Variants in THSD7A observed in about 807,000 individuals in gnomAD.
The protein encoded by THSD7A is thrombospondin type-1 domain-containing protein 7A.
A neutral mutation model predicts 231.3 loss-of-function variants in THSD7A; 96 were observed. The observed-to-expected ratio is 0.41, with a 90% confidence interval of 0.35 to 0.49. THSD7A has a LOEUF of 0.49. THSD7A is among the 20% of genes least tolerant of loss of function. The probability of loss-of-function intolerance (pLI) is 0.05; values close to 1 mark genes in which losing one functional copy is unlikely to be tolerated. For missense variants in THSD7A, 2,290 were observed against 2,070.2 expected, an observed-to-expected ratio of 1.11 and a Z score of -2.06; for synonymous variants, 940 against 743.3, an observed-to-expected ratio of 1.26 and a Z score of -4.30.
chr7:11,653,446 A>ATGTG (rs1324087513), intron 1 of THSD7A, among the ~76,000 whole-genome samples: 8 of 93,624 alleles, frequency 8.5e-5, no homozygotes, highest in Admixed American at 1.2e-4. Context: ...CCACTCCCAG[A>ATGTG]TATGTGTGTG....
At chr7:11,577,505 T>C (rs531936235) in intron 4 of THSD7A, among the ~76,000 whole-genome samples, 6 of 151,912 alleles carry the variant, frequency 3.9e-5, no homozygotes, top group Admixed American at 6.6e-5. Context: ...TTAGTAGAGA[T>C]GGATTTTCGC....
chr7:11,562,019 G>C (rs1423294555), intron 4 of THSD7A, among the ~76,000 whole-genome samples: 2 of 152,108 alleles, frequency 1.3e-5, no homozygotes, highest in African/African-American at 4.8e-5. Context: ...CCCAACTCCT[G>C]GAAGTCTAGT....
chr7:11,744,563 G>C (rs1406832236), intron 1 of THSD7A, among the ~76,000 whole-genome samples: 1 of 151,070 alleles, frequency 6.6e-6, no homozygotes, highest in Non-Finnish European at 1.5e-5. Context: ...TTTAACATTA[G>C]GTATATCTCC....
chr7:11,605,408 A>T (rs1275258808), intron 2 of THSD7A, among the ~76,000 whole-genome samples: 1 of 152,078 alleles, frequency 6.6e-6, no homozygotes, highest in Admixed American at 6.6e-5. Context: ...ACTGGAGTGG[A>T]AGTTGTTCCT....
intron 14 of THSD7A, among the ~76,000 whole-genome samples, 192 bp downstream of exon 14, chr7:11,428,755 A>G (rs995348661): frequency 7.9e-5 from 12 of 152,208 alleles, no homozygotes; most frequent in Non-Finnish European, 1.6e-4. Flanking sequence ...CAAGGTATGG[A>G]ATCTCCAGAG....
intron 6 of THSD7A, among the ~76,000 whole-genome samples, chr7:11,528,433 G>T (rs1044945477): frequency 6.6e-6 from 1 of 152,048 alleles, no homozygotes; most frequent in South Asian, 2.1e-4. Context: ...TGCTTGCCTC[G>T]ACTGGGAGGT....
In THSD7A at chr7:11,637,119, G is replaced by A. The variant is rs1044908952; in HGVS notation, c.191-158C>T. On this transcript the variant is annotated intron_variant, in intron 1 of 27. Transcript: ENST00000423059. This position sits in a 1 kb window ranked among gnomAD's most constrained non-coding sequence, Gnocchi z 4.2. ...CGACTGTTGGAAAGTAATGATCCTC[G>A]CTAAGTATTTTTGCAAAAGGGGAAC... is the stretch of plus-strand genomic sequence containing the variant. 5.3e-5 allele frequency among the ~76,000 whole-genome samples: 8 copies of A among 152,118 alleles called. No individual in the cohort carries two copies. Among genetic ancestry groups the A allele is most frequent in the African/African-American group, 1.4e-4 (6 of 41,418 alleles).
At chr7:11,775,473 C>G (rs1037233300) in intron 1 of THSD7A, among the ~76,000 whole-genome samples, 4 of 152,072 alleles carry the variant, frequency 2.6e-5, no homozygotes, top group Non-Finnish European at 5.9e-5. Context: ...TATGGATAAA[C>G]AAAACGTGGT....
chr7:11,651,228 A>G (rs1185573122), intron 1 of THSD7A, among the ~76,000 whole-genome samples: 2 of 152,028 alleles, frequency 1.3e-5, no homozygotes, highest in Admixed American at 6.6e-5. Context: ...AATACCTAGA[A>G]TGGTCAAATT....
chr7:11,525,533 A>T (rs1788435165), intron 6 of THSD7A, among the ~76,000 whole-genome samples: 1 of 152,092 alleles, frequency 6.6e-6, no homozygotes, highest in African/African-American at 2.4e-5. Flanking sequence ...CAACTATACA[A>T]CTATTTCTGG....
chr7:11,700,192 C>T (rs1780542926), intron 1 of THSD7A, among the ~76,000 whole-genome samples: 1 of 151,160 alleles, frequency 6.6e-6, no homozygotes, highest in South Asian at 2.1e-4. Flanking sequence ...GGCTGAAGAT[C>T]AGGTTAAATA....
chr7:11,570,388 G>C (rs1790572786), intron 4 of THSD7A, among the ~76,000 whole-genome samples: 2 of 152,074 alleles, frequency 1.3e-5, no homozygotes, highest in African/African-American at 4.8e-5. Flanking sequence ...GATGGTTAAT[G>C]GGGCAAATAC....
At chr7:11,806,234 T>C (rs1784394871) in intron 1 of THSD7A, among the ~76,000 whole-genome samples, 1 of 152,208 alleles carries the variant, frequency 6.6e-6, no homozygotes, top group African/African-American at 2.4e-5. Context: ...TCCATGTTTT[T>C]AAAACATTGA....
intron 1 of THSD7A, among the ~76,000 whole-genome samples, chr7:11,746,877 T>C (rs1782323965): frequency 6.6e-6 from 1 of 151,862 alleles, no homozygotes; most frequent in South Asian, 2.1e-4. Flanking sequence ...AAATCTTCTA[T>C]AAGGAAGATT....
At chr7:11,606,528 T>C (rs1190858418) in intron 2 of THSD7A, among the ~76,000 whole-genome samples, 1 of 152,154 alleles carries the variant, frequency 6.6e-6, no homozygotes, top group African/African-American at 2.4e-5. Context: ...TAAGAATATA[T>C]TATCTGTAAA....
At chr7:11,759,509 G>C (rs1782788394) in intron 1 of THSD7A, among the ~76,000 whole-genome samples, 1 of 152,066 alleles carries the variant, frequency 6.6e-6, no homozygotes, top group African/African-American at 2.4e-5. Context: ...TATCTAATCA[G>C]TGTTCTGTGC....
At chr7:11,747,939 T>G (rs1395138284) in intron 1 of THSD7A, among the ~76,000 whole-genome samples, 20 of 151,962 alleles carry the variant, frequency 1.3e-4, no homozygotes, top group Admixed American at 1.2e-3. Context: ...AATTTTTGCA[T>G]GACAGAATGT....
chr7:11,830,699 A>G (rs1232350477), intron 1 of THSD7A, among the ~76,000 whole-genome samples: 5 of 152,174 alleles, frequency 3.3e-5, no homozygotes, highest in African/African-American at 9.7e-5. Context: ...TAGTGATGCA[A>G]TTGTAGAGTA....
chr7:11,435,792 A>C (rs1784615117), intron 13 of THSD7A, among the ~76,000 whole-genome samples: 1 of 151,872 alleles, frequency 6.6e-6, no homozygotes, highest in African/African-American at 2.4e-5. Flanking sequence ...AGCCTGGGGC[A>C]GTACTGGGAA....
Sources: gnomAD v4.1 joint callset for allele counts (sites outside exome capture counted in the v4.1 genomes callset) on GRCh38, gnomAD v4.1.1 for gene constraint, Gnocchi (gnomAD v3.1) non-coding constraint, MANE v1.5 for transcripts, NCBI Gene and HGNC (gene_info 2026-07-23, HGNC 2026-07-21) for gene names.